Variants in ABR observed in about 807,000 individuals in gnomAD.
ABR encodes active breakpoint cluster region-related protein.
ABR carries 35 observed loss-of-function variants against 107.2 expected under a neutral mutation model. The observed-to-expected ratio is 0.33, with a 90% CI of 0.25 to 0.43. ABR has a LOEUF of 0.43. Ranked by LOEUF, ABR falls within the 20% of genes least tolerant of loss-of-function variation. The pLI is 1.00. For synonymous variants in ABR, 498 were observed against 462.0 expected (o/e 1.08, Z -1.00); for missense variants, 815 against 1,115.2 (o/e 0.73, Z 3.83).
Position 1,101,965 on chromosome 17 carries a change from C to G in ABR, c.247-1230G>C, listed in dbSNP as rs1036217713. Among the ~76,000 whole-genome samples, 6 of 152,084 alleles carry G rather than the reference C, an allele frequency of 3.9e-5. 1 individual carries two copies. In the South Asian group the frequency reaches 1.0e-3, roughly 26 times the overall value. On this transcript the variant is annotated intron_variant, in intron 2 of 22. Coordinates refer to ENST00000302538, the MANE Select transcript of ABR (RefSeq NM_021962.5). ...AGCCAGGATGGTCTCGATCTCCTGA[C>G]CTCGTGATCCGCCCGCCTTGGCCTC...
At position 1,005,113 on chromosome 17, in the gene ABR, G is replaced by A. The variant is rs1202656832; in HGVS notation, c.*967C>T. ...AGCGTGGCATGTGCATTCCTCCCCC[G>A]TTCAGCCTGTGGTGTTTCCTCAGCA... On this transcript the variant is annotated 3_prime_UTR_variant, in exon 23 of 23. Coordinates refer to ENST00000302538, the MANE Select transcript of ABR (RefSeq NM_021962.5). 1.3e-5 allele frequency: 5 copies of A among 398,606 alleles called. No individual in the cohort carries two copies. The highest frequency in any genetic ancestry group is 6.2e-5 in the African/African-American group (3 of 48,588). 24.7% of individuals were successfully genotyped at this position (398,606 alleles called of 1,614,324 possible).
chr17:1,024,811 T>C (rs1467922027), intron 16 of ABR, among the ~76,000 whole-genome samples: 1 of 141,016 alleles, frequency 7.1e-6, no homozygotes, highest in Non-Finnish European at 1.5e-5. Flanking sequence ...AAATTAAAAA[T>C]GTAAAACAAA....
chr17:1,126,444 C>A (rs1006471366), intron 1 of ABR: 1 of 152,364 alleles, frequency 6.6e-6, no homozygotes, highest in African/African-American at 2.4e-5. Flanking sequence ...TCACACTCAT[C>A]GCAGAGCAGG....
At chr17:1,103,574 G>A (rs992640622) in intron 2 of ABR, among the ~76,000 whole-genome samples, 1 of 152,142 alleles carries the variant, frequency 6.6e-6, no homozygotes, top group Non-Finnish European at 1.5e-5. Context: ...CCCCTGGCAC[G>A]AGCATAGACC....
Position 1,179,624 on chromosome 17 carries a change from C to G in ABR, c.61+43G>C. The G allele has an allele frequency of 6.8e-7, 1 of 1,477,890 alleles. No individual in the cohort carries two copies. Among genetic ancestry groups the G allele is most frequent in the Non-Finnish European group, 9.0e-7 (1 of 1,111,264 alleles). The allele number at this position is 1,477,890 out of a possible 1,614,324, so 91.5% of individuals were successfully genotyped here. A position where few individuals can be genotyped will look rare whatever the true frequency, so the allele number is the denominator to read the frequency against. ...GGGTCCCGATCTCCATCCTGGGGTCCCGATCCCGATCCTGGGGTCCCGCCC... is the reference window on the plus strand; with the variant it reads ...GGGTCCCGATCTCCATCCTGGGGTCGCGATCCCGATCCTGGGGTCCCGCCC... On this transcript the variant is annotated intron_variant, in intron 1 of 22. Transcript: ENST00000302538. This position sits in a 1 kb window ranked among gnomAD's most constrained non-coding sequence, Gnocchi z 4.9.
chr17:1,165,123 G>A (rs1400032685), intron 1 of ABR, among the ~76,000 whole-genome samples: 2 of 152,228 alleles, frequency 1.3e-5, no homozygotes, highest in African/African-American at 4.8e-5. Context: ...GGAGGTCATA[G>A]GCTAAGCAGG....
intron 16 of ABR, among the ~76,000 whole-genome samples, chr17:1,044,647 T>C (rs1414925096): frequency 1.1e-5 from 1 of 93,610 alleles, no homozygotes; most frequent in African/African-American, 3.6e-5. Context: ...CAAGACCCCA[T>C]CTCAAAAAAA....
intron 1 of ABR, among the ~76,000 whole-genome samples, chr17:1,224,358 T>A (rs1469719399): frequency 6.6e-6 from 1 of 152,198 alleles, no homozygotes; most frequent in Non-Finnish European, 1.5e-5. Flanking sequence ...AAAGCCGAAA[T>A]GTGTTTTGGC....
In ABR at chr17:1,071,966, C is replaced by T. The variant is rs1159175310; in HGVS notation, c.894+648G>A. The stretch of plus-strand genomic sequence containing the variant: ...TCACCCAGGCTGGAGTGCAGTGGTG[C>T]GATCTCGGCTCACTGTAACCTCCGC... On this transcript the variant is annotated intron_variant, in intron 8 of 22. Transcript: ENST00000302538. The surrounding 1 kb of genome is among the most constrained non-coding windows in gnomAD (Gnocchi z 5.1). Among the ~76,000 whole-genome samples the T allele has an allele frequency of 2.0e-5, 3 of 152,186 alleles. No homozygotes were observed. The highest frequency in any genetic ancestry group is 2.1e-4 in the South Asian group (1 of 4,832).
At chr17:1,055,849 GGAGGGCTTGAGAAA>G in intron 14 of ABR, 172 bp downstream of exon 14, 1 of 582,352 alleles carries the variant, frequency 1.7e-6, no homozygotes, top group Admixed American at 2.8e-5. Flanking sequence ...ACAGCTTCAG[GGAGGGCTTGAGAAA>G]GAGGACTTTG....
chr17:1,074,943 T>C (rs189517434), intron 6 of ABR, among the ~76,000 whole-genome samples: 1 of 151,380 alleles, frequency 6.6e-6, no homozygotes, highest in African/African-American at 2.4e-5. Flanking sequence ...CAAAACTCCA[T>C]CTCAAAAAAA....
intron 9 of ABR, among the ~76,000 whole-genome samples, chr17:1,068,291 A>G (rs1039849690): frequency 1.3e-5 from 2 of 152,150 alleles, no homozygotes; most frequent in Non-Finnish European, 2.9e-5. Context: ...TTAGATTTGC[A>G]CTTCTCATTC....
In ABR at chr17:1,051,935, G is replaced by A. The variant is rs569545731; in HGVS notation, c.1562-1301C>T. 2.6e-5 allele frequency among the ~76,000 whole-genome samples: 4 copies of A among 152,152 alleles called. No homozygotes were observed. Among genetic ancestry groups the A allele is most frequent in the African/African-American group, 9.7e-5 (4 of 41,448 alleles). On this transcript the variant is annotated intron_variant, in intron 14 of 22. Transcript: ENST00000302538. The surrounding 1 kb of genome is among the most constrained non-coding windows in gnomAD (Gnocchi z 4.3). ...CTAAAAATACAAAAGTGAGCCCGGCGTGGTGGCACATGCCTGTAGTCCCAG... is the reference window on the plus strand; with the variant it reads ...CTAAAAATACAAAAGTGAGCCCGGCATGGTGGCACATGCCTGTAGTCCCAG...
chr17:1,042,594 C>T (rs1472809071), intron 16 of ABR, among the ~76,000 whole-genome samples: 2 of 109,920 alleles, frequency 1.8e-5, no homozygotes, highest in Non-Finnish European at 4.0e-5. Flanking sequence ...CGTCCACAGA[C>T]GGATGGATGG....
intron 10 of ABR, among the ~76,000 whole-genome samples, chr17:1,064,060 C>G (rs1338039049): frequency 4.3e-5 from 6 of 140,792 alleles, no homozygotes; most frequent in Non-Finnish European, 9.5e-5. Context: ...GCATGTTCCT[C>G]TAGACACTGT....
intron 1 of ABR, among the ~76,000 whole-genome samples, chr17:1,221,683 C>T (rs1184231696): frequency 6.6e-6 from 1 of 152,098 alleles, no homozygotes; most frequent in Non-Finnish European, 1.5e-5. Flanking sequence ...CGGGAGGGCT[C>T]TTCAAACGCC....
chr17:1,220,967 G>A (rs2043109811), intron 1 of ABR, among the ~76,000 whole-genome samples: 1 of 152,108 alleles, frequency 6.6e-6, no homozygotes, highest in Admixed American at 6.6e-5. Flanking sequence ...ACATGTAAAA[G>A]GCTACTGCCT....
rs1483660002 is a variant in ABR at position 1,200,799 on chromosome 17, C to T, written c.838+27994G>A. ...GGAACATGACCTGGGTTATCAGCACCGTCCAGGGACACCAGAGATAAAGCC... is the reference window on the plus strand; with the variant it reads ...GGAACATGACCTGGGTTATCAGCACTGTCCAGGGACACCAGAGATAAAGCC... On this transcript the variant is annotated intron_variant, in intron 1 of 22. Coordinates refer to the ABR transcript ENST00000574139. The surrounding 1 kb of genome is among the most constrained non-coding windows in gnomAD (Gnocchi z 4.1). Among the ~76,000 whole-genome samples the T allele has an allele frequency of 2.6e-5, 4 of 152,094 alleles. No individual in the cohort carries two copies. Among genetic ancestry groups the T allele is most frequent in the Non-Finnish European group, 5.9e-5 (4 of 68,028 alleles).
At chr17:1,062,684 T>C (rs1223869086) in intron 10 of ABR, among the ~76,000 whole-genome samples, 1 of 145,950 alleles carries the variant, frequency 6.9e-6, no homozygotes, top group African/African-American at 2.4e-5. Context: ...CTGAGGGCTA[T>C]ACATGTTCCT....
Sources: gnomAD v4.1 joint callset for allele counts (sites outside exome capture counted in the v4.1 genomes callset) on GRCh38, gnomAD v4.1.1 for gene constraint, Gnocchi (gnomAD v3.1) non-coding constraint, MANE v1.5 for transcripts, NCBI Gene and HGNC (gene_info 2026-07-23, HGNC 2026-07-21) for gene names.